The following NPR3 variants were observed in gnomAD, a reference collection of about 807,000 sequenced individuals.
NPR3 encodes atrial natriuretic peptide receptor 3.
A neutral mutation model predicts 54.5 loss-of-function variants in NPR3; 34 were observed. That is an observed-to-expected ratio of 0.62 (90% CI 0.47 to 0.83). The LOEUF is 0.83. Ranked by LOEUF, NPR3 falls within the 40% of genes least tolerant of loss-of-function variation. The probability of loss-of-function intolerance (pLI) is 0.00; values close to 1 mark genes in which losing one functional copy is unlikely to be tolerated. For missense variants in NPR3, 674 were observed against 720.8 expected (o/e 0.94, Z 0.74); for synonymous variants, 289 against 297.1 (o/e 0.97, Z 0.28).
chr5:32,733,896 G>T (rs952671208), intron 2 of NPR3, among the ~76,000 whole-genome samples: 1 of 152,122 alleles, frequency 6.6e-6, no homozygotes, highest in Non-Finnish European at 1.5e-5. Context: ...AGGTTAGGTG[G>T]GGTGTTGGTA....
intron 3 of NPR3, among the ~76,000 whole-genome samples, chr5:32,751,025 C>A (rs1024515623): frequency 3.3e-5 from 5 of 152,090 alleles, no homozygotes; most frequent in South Asian, 2.1e-4. Flanking sequence ...TTTAAAAATG[C>A]GTCTTTCCTA....
chr5:32,757,645 G>A (rs113351772), intron 3 of NPR3, among the ~76,000 whole-genome samples: 1 of 152,188 alleles, frequency 6.6e-6, no homozygotes, highest in Non-Finnish European at 1.5e-5. Context: ...ACGTTGAATA[G>A]GAGTGGTGAG....
chr5:32,741,300 C>T (rs1561101558), intron 3 of NPR3, among the ~76,000 whole-genome samples: 1 of 152,062 alleles, frequency 6.6e-6, no homozygotes, highest in Non-Finnish European at 1.5e-5. Context: ...CACTTGTAGT[C>T]CCAGCTACTT....
chr5:32,732,210 C>T (rs576567577), intron 2 of NPR3, among the ~76,000 whole-genome samples: 3 of 135,860 alleles, frequency 2.2e-5, no homozygotes, highest in East Asian at 2.3e-4. Context: ...CACTGCAGTC[C>T]GCAGTCCGGC....
chr5:32,778,876 A>G (rs757918551), intron 4 of NPR3, among the ~76,000 whole-genome samples: 2 of 152,228 alleles, frequency 1.3e-5, no homozygotes, highest in Non-Finnish European at 2.9e-5. Context: ...CATCACAAAC[A>G]TCTCTCAATA....
At position 32,758,064 on chromosome 5, in the gene NPR3, T is replaced by C. The variant is rs1006025147; in HGVS notation, c.1060-16644T>C. Among the ~76,000 whole-genome samples, 4 of 67,792 alleles carry C rather than the reference T, an allele frequency of 5.9e-5. No homozygotes were observed. The African/African-American group carries it at 6.3e-4, about 11-fold the overall frequency. 44.5% of individuals were successfully genotyped at this position (67,792 alleles called of 152,430 possible). A position where few individuals can be genotyped will look rare whatever the true frequency, so the allele number is the denominator to read the frequency against. On this transcript the variant is annotated intron_variant, in intron 3 of 7. Coordinates refer to ENST00000265074, the MANE Select transcript of NPR3 (RefSeq NM_001204375.2). ...CAGGGATATTGGTCTAAAATTCTCT[T>C]TTTTTTGTTGTGCTTCTGCCAGGCT...
intron 2 of NPR3, among the ~76,000 whole-genome samples, chr5:32,731,275 G>A (rs1739434822): frequency 6.6e-6 from 1 of 152,154 alleles, no homozygotes; most frequent in South Asian, 2.1e-4. Context: ...TATACTTGGG[G>A]TTTCTGATTA....
At chr5:32,697,396 G>A (rs1347048406) in intron 1 of NPR3, among the ~76,000 whole-genome samples, 1 of 151,068 alleles carries the variant, frequency 6.6e-6, no homozygotes. Flanking sequence ...CTTATATTGA[G>A]GATTTCTGCA....
rs745788021 is a variant in NPR3, at chr5:32,790,196, T to G, written c.*3851T>G. 5.8e-6 allele frequency: 1 copy of G among 172,242 alleles called. No homozygotes were observed. Among genetic ancestry groups the G allele is most frequent in the African/African-American group, 2.4e-5 (1 of 41,472 alleles). The allele number at this position is 172,242 out of a possible 1,614,324, so 10.7% of individuals were successfully genotyped here. ...ATGATGGTGTTCAGAGGGACCAGCTTCTTTTTCAGTTGTCTTTAGAACTCA... is the reference window on the plus strand; with the variant it reads ...ATGATGGTGTTCAGAGGGACCAGCTGCTTTTTCAGTTGTCTTTAGAACTCA... On this transcript the variant is annotated 3_prime_UTR_variant, in exon 8 of 8. Transcript: ENST00000265074.
intron 1 of NPR3, among the ~76,000 whole-genome samples, chr5:32,696,757 T>A (rs2111810306): frequency 6.6e-6 from 1 of 152,284 alleles, no homozygotes; most frequent in Non-Finnish European, 1.5e-5. Flanking sequence ...TATTTTTAGC[T>A]GTTGAAAGCG....
At chr5:32,745,860 GT>G (rs1740269483) in intron 3 of NPR3, among the ~76,000 whole-genome samples, 1 of 152,116 alleles carries the variant, frequency 6.6e-6, no homozygotes. Flanking sequence ...ATCAGATGCT[GT>G]TTATTGAGTG....
intron 1 of NPR3, among the ~76,000 whole-genome samples, chr5:32,694,292 T>C (rs2111806247): frequency 6.6e-6 from 1 of 152,370 alleles, no homozygotes; most frequent in South Asian, 2.1e-4. Flanking sequence ...AGGTCTGTTG[T>C]AATCAGGCAG....
intron 1 of NPR3, chr5:32,716,545 C>T: frequency 9.6e-6 from 4 of 416,446 alleles, no homozygotes; most frequent in South Asian, 7.2e-5. Context: ...TGCTTGAGTC[C>T]AAGAGTTTGA....
At chr5:32,753,265 A>T (rs999640360) in intron 3 of NPR3, among the ~76,000 whole-genome samples, 2 of 152,072 alleles carry the variant, frequency 1.3e-5, no homozygotes, top group Admixed American at 1.3e-4. Flanking sequence ...AATATGCATG[A>T]CTAAAATAGC....
At chr5:32,735,364 G>C (rs1007365670) in intron 2 of NPR3, among the ~76,000 whole-genome samples, 17 of 151,324 alleles carry the variant, frequency 1.1e-4, no homozygotes, top group Non-Finnish European at 1.2e-4. Context: ...CTGTTGTACA[G>C]TCTTGAGATT....
At chr5:32,765,950 A>T (rs980553128) in intron 3 of NPR3, among the ~76,000 whole-genome samples, 2 of 152,188 alleles carry the variant, frequency 1.3e-5, no homozygotes, top group African/African-American at 4.8e-5. Flanking sequence ...AAGAGGAGGA[A>T]AAGTTACCAG....
rs1378897351 is a variant in NPR3 at position 32,729,025 on chromosome 5, T to TG, written c.892+4205_892+4206insG. Among the ~76,000 whole-genome samples the TG allele has an allele frequency of 1.1e-3, 112 of 102,180 alleles. 3 individuals carry two copies. The highest frequency in any genetic ancestry group is 5.1e-3 in the African/African-American group (108 of 21,314). The allele number at this position is 102,180 out of a possible 152,430, so 67.0% of individuals were successfully genotyped here. A position where few individuals can be genotyped will look rare whatever the true frequency, so the allele number is the denominator to read the frequency against. On this transcript the variant is annotated intron_variant, in intron 2 of 7. Coordinates refer to ENST00000265074, the MANE Select transcript of NPR3 (RefSeq NM_001204375.2). ...TTGTGTGCCTGTGTGTTTTTTTTTTTTTTTGTTTTGTTTTTTTTTTTTGAG... is the reference window on the plus strand; with the variant it reads ...TTGTGTGCCTGTGTGTTTTTTTTTTTGTTTTGTTTTGTTTTTTTTTTTTGAG...
At chr5:32,721,977 C>A (rs912773805) in intron 1 of NPR3, among the ~76,000 whole-genome samples, 13 of 152,152 alleles carry the variant, frequency 8.5e-5, no homozygotes, top group Non-Finnish European at 1.9e-4. Flanking sequence ...TTAGGGGACC[C>A]AACCTGGTGA....
At chr5:32,757,757 T>C (rs1349593935) in intron 3 of NPR3, among the ~76,000 whole-genome samples, 1 of 152,202 alleles carries the variant, frequency 6.6e-6, no homozygotes, top group Non-Finnish European at 1.5e-5. Context: ...TAGCTCTTAT[T>C]ATTTTGAGAT....
Sources: gnomAD v4.1 joint callset for allele counts (sites outside exome capture counted in the v4.1 genomes callset) on GRCh38, gnomAD v4.1.1 for gene constraint, MANE v1.5 for transcripts, NCBI Gene and HGNC (gene_info 2026-07-23, HGNC 2026-07-21) for gene names.